ST13: variants seen among roughly 807,000 people sequenced by gnomAD.
ST13 encodes ST13 Hsp70 interacting protein, also known as hsc70-interacting protein.
ST13 carries 23 observed loss-of-function variants against 56.7 expected under a neutral mutation model. That is an observed-to-expected ratio of 0.41 (90% CI 0.29 to 0.57). The LOEUF (loss-of-function observed/expected upper bound fraction) is 0.57. ST13 is among the 20% of genes least tolerant of loss of function. The pLI, the probability that ST13 is intolerant of heterozygous loss-of-function variation, is 0.36. For missense variants in ST13, 369 were observed against 459.9 expected (o/e 0.80, Z 1.81); for synonymous variants, 132 against 142.4 (o/e 0.93, Z 0.52).
At chr22:40,827,714 C>T (rs373468776) in intron 10 of ST13, among the ~76,000 whole-genome samples, 108 of 151,786 alleles carry the variant, frequency 7.1e-4, no homozygotes, top group African/African-American at 2.5e-3. Context: ...TTGGCCGGGC[C>T]GCTCTTGAAC....
chr22:40,851,979 G>A (rs1218987171), intron 1 of ST13, among the ~76,000 whole-genome samples: 5 of 152,118 alleles, frequency 3.3e-5, no homozygotes, highest in African/African-American at 1.2e-4. Context: ...TCCTGACCTC[G>A]TAATCCGCCA....
intron 10 of ST13, among the ~76,000 whole-genome samples, chr22:40,828,304 T>A (rs1440159357): frequency 6.6e-6 from 1 of 152,072 alleles, no homozygotes; most frequent in Non-Finnish European, 1.5e-5. Context: ...AAATTACAAT[T>A]AATAATATAG....
At chr22:40,855,999 T>C (rs2057891501) in intron 1 of ST13, among the ~76,000 whole-genome samples, 2 of 152,146 alleles carry the variant, frequency 1.3e-5, no homozygotes, top group Non-Finnish European at 2.9e-5. Context: ...AACTTTTAAC[T>C]TACTAGTGTT....
Position 40,856,468 on chromosome 22 carries a change from T to C in ST13, c.73A>G (p.Thr25Ala). 1.2e-6 allele frequency: 2 copies of C among 1,613,572 alleles called. No homozygotes were observed. Among genetic ancestry groups the C allele is most frequent in the Non-Finnish European group, 8.5e-7 (1 of 1,179,714 alleles). Residue 25 changes from threonine (T) to alanine (A), a missense_variant, in exon 1 of 12, where the codon ACC becomes GCC. Transcript: ENST00000216218. ...MCKQDPSVLHTEEMRFLREWV... is the reference protein window; with the variant it reads ...MCKQDPSVLHAEEMRFLREWV... ...TCCCTCAGGAAGCGCATTTCCTCGG[T>C]GTGCAGAACGCTCGGATCCTGCTTA...
At chr22:40,852,561 A>C (rs573539881) in intron 1 of ST13, among the ~76,000 whole-genome samples, 56 of 152,340 alleles carry the variant, frequency 3.7e-4, no homozygotes, top group Non-Finnish European at 6.2e-4. Flanking sequence ...AAGAAACAGA[A>C]TTTGGAATTT....
In ST13 at chr22:40,856,576, G is replaced by C. The variant is rs766942591; in HGVS notation, c.-36C>G. 6 of 1,573,204 alleles carry C rather than the reference G, an allele frequency of 3.8e-6. No individual in the cohort carries two copies. The highest frequency in any genetic ancestry group is 5.2e-6 in the Non-Finnish European group (6 of 1,145,540). On this transcript the variant is annotated 5_prime_UTR_variant, in exon 1 of 12. Transcript: ENST00000216218. Reference sequence around the variant, plus strand: ...TGGTGGGCGAAACTGGGGGGGCTACGGCCCGGTTCCAGGCCCAGGCGCTGG... The same window carrying C: ...TGGTGGGCGAAACTGGGGGGGCTACCGCCCGGTTCCAGGCCCAGGCGCTGG...
chr22:40,825,756 T>C lies in ST13; in HGVS notation c.*782A>G, dbSNP rs571249049. ...TGACTAGGAAAGAGAATTTTAAGCATAGAAATATAAAAAGAAAAGTACTAC... is the reference window on the plus strand; with the variant it reads ...TGACTAGGAAAGAGAATTTTAAGCACAGAAATATAAAAAGAAAAGTACTAC... On this transcript the variant is annotated 3_prime_UTR_variant, in exon 12 of 12. Coordinates refer to ENST00000216218, the MANE Select transcript of ST13 (RefSeq NM_003932.5). 1.1e-4 allele frequency: 17 copies of C among 152,166 alleles called. No individual in the cohort carries two copies. Among genetic ancestry groups the C allele is most frequent in the African/African-American group, 4.1e-4 (17 of 41,518 alleles). 9.4% of individuals were successfully genotyped at this position (152,166 alleles called of 1,614,324 possible).
rs865829794 is a variant in ST13 at position 40,856,319 on chromosome 22, A to C, written c.110+112T>G. 1.6e-4 allele frequency: 147 copies of C among 920,934 alleles called. No homozygotes were observed. In the Middle Eastern group the frequency reaches 5.7e-3, roughly 36 times the overall value. The allele number at this position is 920,934 out of a possible 1,614,324, so 57.0% of individuals were successfully genotyped here. A position where few individuals can be genotyped will look rare whatever the true frequency, so the allele number is the denominator to read the frequency against. ...TCGAAGTTGCCTCCCTTTCCCGGGC[A>C]AAGAAGGGGCAGCGACCCCGCCTCG... On this transcript the variant is annotated intron_variant, in intron 1 of 11. Coordinates refer to ENST00000216218, the MANE Select transcript of ST13 (RefSeq NM_003932.5).
intron 10 of ST13, among the ~76,000 whole-genome samples, chr22:40,828,447 AC>A (rs1431346400): frequency 1.2e-3 from 103 of 88,328 alleles, no homozygotes; most frequent in Non-Finnish European, 1.6e-3. Context: ...TACTAAAAAT[AC>A]AAAAAAAAAA....
At chr22:40,837,166 C>T (rs1387804224) in intron 5 of ST13, among the ~76,000 whole-genome samples, 1 of 152,074 alleles carries the variant, frequency 6.6e-6, no homozygotes, top group Non-Finnish European at 1.5e-5. Flanking sequence ...AGCCAGTTAG[C>T]GAATGAGTAA....
At chr22:40,837,787 A>G (rs1013650259) in intron 5 of ST13, among the ~76,000 whole-genome samples, 7 of 152,132 alleles carry the variant, frequency 4.6e-5, no homozygotes, top group African/African-American at 1.4e-4. Context: ...AGTAGCTCAT[A>G]TTACAGAAAC....
At chr22:40,847,650 A>G (rs1216060187) in intron 3 of ST13, among the ~76,000 whole-genome samples, 1 of 152,136 alleles carries the variant, frequency 6.6e-6, no homozygotes, top group Non-Finnish European at 1.5e-5. Flanking sequence ...ATGAAGTCTG[A>G]TTTATTATCA....
chr22:40,849,345 G>T (rs956837063), intron 2 of ST13, among the ~76,000 whole-genome samples: 1 of 151,922 alleles, frequency 6.6e-6, no homozygotes, highest in Admixed American at 6.6e-5. Flanking sequence ...GGACGTGGTG[G>T]TGGGCACCTG....
chr22:40,846,391 G>T (rs537337566), intron 3 of ST13, among the ~76,000 whole-genome samples: 214 of 152,250 alleles, frequency 1.4e-3, no homozygotes, highest in African/African-American at 5.0e-3. Context: ...CAAGTATACA[G>T]TATTATAGTC....
intron 10 of ST13, 133 bp downstream of exon 10, chr22:40,829,492 TA>T: frequency 2.4e-6 from 1 of 410,340 alleles, no homozygotes; most frequent in Admixed American, 4.5e-5. Context: ...TCATTTCTTT[TA>T]CCTAGGTTCT....
Position 40,825,179 on chromosome 22 carries a change from A to C in ST13, c.*1359T>G, listed in dbSNP as rs557962106. On this transcript the variant is annotated 3_prime_UTR_variant, in exon 12 of 12. Transcript: ENST00000216218. ...CTTTATCATTGGAGGGGAGGGAAAG[A>C]AAGCAAGCAGAGGTGGGGATATAGT... The C allele has an allele frequency of 7.2e-5, 11 of 152,230 alleles. No homozygotes were observed. The highest frequency in any genetic ancestry group is 2.6e-4 in the African/African-American group (11 of 41,534). The allele number at this position is 152,230 out of a possible 1,614,324, so 9.4% of individuals were successfully genotyped here.
chr22:40,851,744 G>T (rs570127178), intron 1 of ST13, among the ~76,000 whole-genome samples: 1 of 151,392 alleles, frequency 6.6e-6, no homozygotes, highest in Non-Finnish European at 1.5e-5. Context: ...AAACAGAAAG[G>T]GTTCTTTTTT....
intron 1 of ST13, among the ~76,000 whole-genome samples, chr22:40,854,923 A>G (rs2057881407): frequency 6.6e-6 from 1 of 152,192 alleles, no homozygotes; most frequent in South Asian, 2.1e-4. Flanking sequence ...TAGACTTCTT[A>G]CCAATATTCA....
intron 1 of ST13, among the ~76,000 whole-genome samples, chr22:40,855,441 T>G (rs1009647668): frequency 1.3e-5 from 2 of 152,202 alleles, no homozygotes; most frequent in African/African-American, 4.8e-5. Context: ...ACCCTGTCTC[T>G]AAAAGACAAA....
Sources: allele counts gnomAD v4.1 joint callset (sites outside exome capture counted in the v4.1 genomes callset), GRCh38; gene constraint gnomAD v4.1.1; transcripts MANE v1.5; gene names NCBI Gene and HGNC (gene_info 2026-07-23, HGNC 2026-07-21).